CARD10: variants seen among roughly 807,000 people sequenced by gnomAD.
The protein encoded by CARD10 is caspase recruitment domain family member 10.
A neutral mutation model predicts 114.6 loss-of-function variants in CARD10; 49 were observed. The observed-to-expected ratio is 0.43, with a 90% CI of 0.34 to 0.54. CARD10 has a LOEUF of 0.54. Among genes scored for constraint, CARD10 ranks in the 20% least tolerant of loss-of-function variants. CARD10 has a pLI of 0.03. For missense variants in CARD10, 1,206 were observed against 1,397.2 expected, an observed-to-expected ratio of 0.86 and a Z score of 2.18; for synonymous variants, 602 against 593.2, an observed-to-expected ratio of 1.01 and a Z score of -0.21.
intron 11 of CARD10, among the ~76,000 whole-genome samples, chr22:37,498,098 G>A (rs548094694): frequency 9.5e-4 from 144 of 152,288 alleles, no homozygotes; most frequent in African/African-American, 3.3e-3. Flanking sequence ...CACAGGATGC[G>A]TGGAAGAATT....
At position 37,513,113 on chromosome 22, in the gene CARD10, TTTG is replaced by T. The variant is rs1201997003; in HGVS notation, c.700-2695_700-2693del. On this transcript the variant is annotated intron_variant, in intron 3 of 19. Transcript: ENST00000251973. ...AGCTAAGTTTAATTTCACTTCTTTT[TTTG>T]TTGTTGTTTTTTGAGACAGAGTCTC... Among the ~76,000 whole-genome samples the T allele has an allele frequency of 5.3e-5, 8 of 152,204 alleles. No homozygotes were observed. In the East Asian group the frequency reaches 1.4e-3, roughly 26 times the overall value.
In CARD10 at chr22:37,519,359, G is replaced by A; in HGVS notation, c.-159C>T. 1 of 1,236,454 alleles carries A rather than the reference G, an allele frequency of 8.1e-7. No individual in the cohort carries two copies. The highest frequency in any genetic ancestry group is 1.0e-6 in the Non-Finnish European group (1 of 990,638). The allele number at this position is 1,236,454 out of a possible 1,614,324, so 76.6% of individuals were successfully genotyped here. A position where few individuals can be genotyped will look rare whatever the true frequency, so the allele number is the denominator to read the frequency against. ...GCGACTCACCCCGCACGCTACAGTC[G>A]CCTCGGGCTCCCGGGTCCGCACTCG... is the stretch of plus-strand genomic sequence containing the variant. On this transcript the variant is annotated 5_prime_UTR_variant, in exon 1 of 20. Coordinates refer to ENST00000251973, the MANE Select transcript of CARD10 (RefSeq NM_014550.4). The surrounding 1 kb of genome is among the most constrained non-coding windows in gnomAD (Gnocchi z 4.1).
chr22:37,507,702 G>A lies in CARD10; in HGVS notation c.1191+127C>T, dbSNP rs56288356. ...CTGGTTCCCCCAGCCTTTGTGCCCC[G>A]TCCTAACCCAACAGGGAGCGGCTAA... On this transcript the variant is annotated intron_variant, in intron 6 of 19. Transcript: ENST00000251973. 15,556 of 1,218,626 alleles carry A rather than the reference G, an allele frequency of 0.013. 1,471 individuals carry two copies. The African/African-American group carries it at 0.2, about 16-fold the overall frequency. The allele number at this position is 1,218,626 out of a possible 1,614,324, so 75.5% of individuals were successfully genotyped here. A position where few individuals can be genotyped will look rare whatever the true frequency, so the allele number is the denominator to read the frequency against.
At position 37,496,546 on chromosome 22, in the gene CARD10, A is replaced by C. The variant is rs773438740; in HGVS notation, c.1962T>G (p.Ala654=). ...CCAGGCACGCCCCCTCCAGACCAGC[A>C]GCTTCCACCCTTTGCTGGGAGAAAA... ...RMEPREQRVE[A]AGLEGACLEA... is the part of the protein sequence containing the mutation. The change falls in exon 13 of 20, where the codon GCT becomes GCG. Residue 654 remains alanine, a synonymous_variant. Coordinates refer to ENST00000251973, the MANE Select transcript of CARD10 (RefSeq NM_014550.4). The surrounding 1 kb of genome is among the most constrained non-coding windows in gnomAD (Gnocchi z 4.1). The C allele has an allele frequency of 1.9e-6, 3 of 1,613,236 alleles. No homozygotes were observed. In the South Asian group the frequency reaches 3.3e-5, roughly 18 times the overall value.
rs150759948 is a variant in CARD10, at chr22:37,510,393, C to G, written c.728G>C (p.Arg243Pro). ...AAGCAGTGCACACTCTTCCTCCAGC[C>G]GACTCACTTTGAGCTTGAGCTGATC... is the stretch of plus-strand genomic sequence containing the variant. Reference protein sequence around the residue: ...AVDQLKLKVSRLEEECALLRR... With the variant: ...AVDQLKLKVSPLEEECALLRR... Residue 243 changes from arginine (R) to proline (P), a missense_variant, in exon 4 of 20, where the codon CGG (arginine) becomes CCG (proline). Transcript: ENST00000251973. 6.2e-7 allele frequency: 1 copy of G among 1,613,712 alleles called. No homozygotes were observed. Among genetic ancestry groups the G allele is most frequent in the Admixed American group, 1.7e-5 (1 of 60,020 alleles).
intron 3 of CARD10, among the ~76,000 whole-genome samples, chr22:37,512,920 CAG>C (rs1569167487): frequency 1.3e-5 from 2 of 152,144 alleles, no homozygotes; most frequent in Non-Finnish European, 2.9e-5. Context: ...CCTTATAAAA[CAG>C]GGTATTAAAT....
intron 16 of CARD10, among the ~76,000 whole-genome samples, chr22:37,493,536 C>T (rs1481727210): frequency 2.0e-5 from 3 of 152,316 alleles, no homozygotes; most frequent in African/African-American, 7.2e-5. Flanking sequence ...CCAACACCCT[C>T]CAAGCACACC....
chr22:37,492,831 T>C lies in CARD10; in HGVS notation c.2477-29A>G, dbSNP rs1294643528. 1 of 1,601,952 alleles carries C rather than the reference T, an allele frequency of 6.2e-7. No homozygotes were observed. The highest frequency in any genetic ancestry group is 1.7e-5 in the Admixed American group (1 of 59,652). On this transcript the variant is annotated intron_variant, in intron 16 of 19. Transcript: ENST00000251973. The surrounding 1 kb of genome is among the most constrained non-coding windows in gnomAD (Gnocchi z 5.7). ...TGGCAGGGGAGGGGCGCAAAAGAGA[T>C]AAGGGCACAGGCAGGCAGCATACCA...
chr22:37,517,679 T>C (rs556049447), intron 2 of CARD10, among the ~76,000 whole-genome samples: 33 of 152,238 alleles, frequency 2.2e-4, no homozygotes, highest in Non-Finnish European at 4.7e-4. Context: ...AGCCTCTGTA[T>C]TTTTTTACAT....
At chr22:37,506,450 C>T in intron 6 of CARD10, 67 bp from the exon 7 acceptor site, 1 of 1,256,352 alleles carries the variant, frequency 8.0e-7, no homozygotes, top group Non-Finnish European at 1.1e-6. Flanking sequence ...TGGCCTATGA[C>T]TTGGAGAATG....
At chr22:37,513,456 C>A (rs752119246) in intron 3 of CARD10, among the ~76,000 whole-genome samples, 4 of 152,098 alleles carry the variant, frequency 2.6e-5, no homozygotes, top group African/African-American at 9.7e-5. Context: ...AGCCACTCTG[C>A]GTAGAGGCAG....
At chr22:37,498,128 G>A (rs1027098461) in intron 11 of CARD10, among the ~76,000 whole-genome samples, 1 of 152,166 alleles carries the variant, frequency 6.6e-6, no homozygotes, top group Non-Finnish European at 1.5e-5. Flanking sequence ...CAATAGCAGC[G>A]AACACTTCCT....
At chr22:37,503,249 G>C in intron 9 of CARD10, 36 bp from the exon 10 acceptor site, 1 of 1,599,174 alleles carries the variant, frequency 6.3e-7, no homozygotes. Context: ...GGCAGGAGGT[G>C]AGGCACAGTG....
At position 37,518,010 on chromosome 22, in the gene CARD10, T is replaced by C; in HGVS notation, c.334A>G (p.Thr112Ala). ...FYYPEHFTLL[T>A]GQEPAQRCSM... ...CAGCGCTGGGCGGGTTCCTGGCCCG[T>C]GAGCAGCGTGAAGTGTTCGGGGTAG... The change falls in exon 2 of 20, where the codon ACG (threonine) becomes GCG (alanine). Residue 112 changes from threonine to alanine, a missense_variant. Physicochemically the swap from Thr to Ala is moderately conservative, Grantham distance 58. Coordinates refer to ENST00000251973, the MANE Select transcript of CARD10 (RefSeq NM_014550.4). 1.2e-6 allele frequency: 2 copies of C among 1,613,982 alleles called. No individual in the cohort carries two copies. Among genetic ancestry groups the C allele is most frequent in the South Asian group, 1.1e-5 (1 of 91,064 alleles).
chr22:37,502,880 G>C (rs1451893764), intron 10 of CARD10, among the ~76,000 whole-genome samples, 155 bp from the exon 11 acceptor site: 1 of 152,246 alleles, frequency 6.6e-6, no homozygotes, highest in African/African-American at 2.4e-5. Flanking sequence ...AGATAGGTCA[G>C]GGCCCACCAG....
chr22:37,491,745 C>T lies in CARD10; in HGVS notation c.2864+10G>A. 1.9e-6 allele frequency: 2 copies of T among 1,072,750 alleles called. No individual in the cohort carries two copies. The highest frequency in any genetic ancestry group is 1.2e-5 in the South Asian group (1 of 80,522). 66.5% of individuals were successfully genotyped at this position (1,072,750 alleles called of 1,614,324 possible). A position where few individuals can be genotyped will look rare whatever the true frequency, so the allele number is the denominator to read the frequency against. On this transcript the variant is annotated intron_variant, in intron 19 of 19. Transcript: ENST00000251973. ...AGTGCCCTGCCCACTGCCCCACCCACCCACCTCACCTGACTTCCCGGACAT... is the reference window on the plus strand; with the variant it reads ...AGTGCCCTGCCCACTGCCCCACCCATCCACCTCACCTGACTTCCCGGACAT...
intron 18 of CARD10, 73 bp from the exon 19 acceptor site, chr22:37,491,940 G>A (rs953463565): frequency 1.2e-5 from 12 of 1,021,706 alleles, no homozygotes; most frequent in Middle Eastern, 2.1e-4. Context: ...GCCCCCAGAC[G>A]GGTCCCCTAT....
chr22:37,508,685 G>A lies in CARD10; in HGVS notation c.910-3C>T, dbSNP rs1055207587. On this transcript the variant is annotated splice_region_variant and splice_polypyrimidine_tract_variant and intron_variant, in intron 4 of 19. Coordinates refer to ENST00000251973, the MANE Select transcript of CARD10 (RefSeq NM_014550.4). ...GGGGCCCCCGGCCGGCTCGCCTCCT[G>A]GGGATCACAGGGCAGGGCCACCTCA... 1.3e-6 allele frequency: 2 copies of A among 1,550,876 alleles called. No homozygotes were observed. The highest frequency in any genetic ancestry group is 1.9e-5 in the Admixed American group (1 of 52,478).
rs752169222 is a variant in CARD10 at position 37,504,200 on chromosome 22, G to A, written c.1620C>T (p.Pro540=). ...SILRRQREED[P]APPKRSFSSM... is the part of the protein sequence containing the mutation. ...AGCCATCTCACCTCTTAGGGGGTGC[G>A]GGGTCTTCCTCACGCTGCCGGCGGA... The change falls in exon 9 of 20, where the codon CCC becomes CCT. Residue 540 remains proline (P), a synonymous_variant. Coordinates refer to ENST00000251973, the MANE Select transcript of CARD10 (RefSeq NM_014550.4). 1.5e-4 allele frequency: 230 copies of A among 1,563,322 alleles called. No individual in the cohort carries two copies. Among genetic ancestry groups the A allele is most frequent in the Non-Finnish European group, 1.9e-4 (214 of 1,152,760 alleles).
Sources: allele counts gnomAD v4.1 joint callset (sites outside exome capture counted in the v4.1 genomes callset), GRCh38; gene constraint gnomAD v4.1.1; non-coding constraint Gnocchi (gnomAD v3.1); transcripts MANE v1.5; gene names NCBI Gene and HGNC (gene_info 2026-07-23, HGNC 2026-07-21).